Variants in ZNF705G observed in about 807,000 individuals in gnomAD.
The protein encoded by ZNF705G is putative zinc finger protein 705G.
ZNF705G carries 23 observed loss-of-function variants against 19.6 expected under a neutral mutation model. That is an observed-to-expected ratio of 1.17 (90% CI 0.84 to 1.66). The LOEUF is 1.66. ZNF705G is among the 40% of genes most tolerant of loss of function. The pLI is 0.00. For missense variants in ZNF705G, 457 were observed against 354.4 expected, an observed-to-expected ratio of 1.29 and a Z score of -2.32; for synonymous variants, 146 against 117.7, an observed-to-expected ratio of 1.24 and a Z score of -1.56.
At chr8:7,360,817 A>G (rs1407070497) in intron 4 of ZNF705G, among the ~76,000 whole-genome samples, 2 of 149,560 alleles carry the variant, frequency 1.3e-5, no homozygotes, top group African/African-American at 2.6e-5. Context: ...TAATACACTG[A>G]AAACATTCAT....
intron 1 of ZNF705G, among the ~76,000 whole-genome samples, chr8:7,384,080 G>C (rs2128849957): frequency 8.3e-6 from 1 of 120,416 alleles, no homozygotes; most frequent in South Asian, 3.0e-4. Context: ...GCCAAGCTCT[G>C]ATGTAAGCTG....
In ZNF705G at chr8:7,357,925, C is replaced by T; in HGVS notation, c.*51G>A. On this transcript the variant is annotated 3_prime_UTR_variant, in exon 7 of 7. Transcript: ENST00000400156. The stretch of plus-strand genomic sequence containing the variant: ...GATTAGTACATTGTCTGAAGGCTTT[C>T]CCACATAAATGGCATTCATATGGCT... 4 of 1,603,746 alleles carry T rather than the reference C, an allele frequency of 2.5e-6. No homozygotes were observed. The highest frequency in any genetic ancestry group is 3.4e-6 in the Non-Finnish European group (4 of 1,178,040).
At position 7,371,144 on chromosome 8, in the gene ZNF705G, G is replaced by A. The variant is rs1363163070; in HGVS notation, c.-71-8127C>T. Among the ~76,000 whole-genome samples, 5 of 141,630 alleles carry A rather than the reference G, an allele frequency of 3.5e-5. No individual in the cohort carries two copies. In the East Asian group the frequency reaches 6.4e-4, roughly 18 times the overall value. 92.9% of individuals were successfully genotyped at this position (141,630 alleles called of 152,430 possible). On this transcript the variant is annotated intron_variant, in intron 2 of 6. Transcript: ENST00000400156. Reference sequence around the variant, plus strand: ...ATATTGTTCAGTGTTACATAATAACGAAACCCTGTCATTTGTGACAACATG... The same window carrying A: ...ATATTGTTCAGTGTTACATAATAACAAAACCCTGTCATTTGTGACAACATG...
rs1449066496 is a variant in ZNF705G, at chr8:7,380,934, T to A, written c.-72+518A>T. Among the ~76,000 whole-genome samples the A allele has an allele frequency of 2.2e-5, 3 of 134,490 alleles. 1 individual carries two copies. The highest frequency in any genetic ancestry group is 1.1e-4 in the African/African-American group (3 of 27,638). The allele number at this position is 134,490 out of a possible 152,430, so 88.2% of individuals were successfully genotyped here. On this transcript the variant is annotated intron_variant, in intron 2 of 6. Coordinates refer to ENST00000400156, the MANE Select transcript of ZNF705G (RefSeq NM_001164457.3). ...CTGGAGGCTGAGGCAGGAGAATTGC[T>A]TGAGCCCAGGAGGCAGAGTTGCAGT... is the stretch of plus-strand genomic sequence containing the variant.
At chr8:7,364,342 C>T (rs1268339576) in intron 2 of ZNF705G, among the ~76,000 whole-genome samples, 1 of 149,456 alleles carries the variant, frequency 6.7e-6, no homozygotes, top group African/African-American at 2.6e-5. Flanking sequence ...AATTTACTGA[C>T]CCATTTGTAC....
At chr8:7,370,522 G>T (rs1202189175) in intron 2 of ZNF705G, among the ~76,000 whole-genome samples, 1 of 148,442 alleles carries the variant, frequency 6.7e-6, no homozygotes, top group African/African-American at 2.6e-5. Flanking sequence ...GTCCATTTCA[G>T]ATAACAGTAT....
intron 3 of ZNF705G, among the ~76,000 whole-genome samples, chr8:7,362,472 G>C (rs1358212353): frequency 6.0e-5 from 9 of 149,688 alleles, no homozygotes. Context: ...TCATTGTTGG[G>C]CTGTGATGTT....
rs1439944376 is a variant in ZNF705G at position 7,359,352 on chromosome 8, T to C, written c.318+267A>G. ...TTCTGTAACATCTCAACTGCAGCGT[T>C]ATTGCATAATTGTGTTGATATCAAT... On this transcript the variant is annotated intron_variant, in intron 6 of 6. Coordinates refer to ENST00000400156, the MANE Select transcript of ZNF705G (RefSeq NM_001164457.3). 2.9e-4 allele frequency among the ~76,000 whole-genome samples: 44 copies of C among 149,938 alleles called. 1 individual carries two copies. The highest frequency in any genetic ancestry group is 5.4e-4 in the Non-Finnish European group (37 of 68,006).
intron 2 of ZNF705G, among the ~76,000 whole-genome samples, chr8:7,367,770 C>G (rs1285953336): frequency 6.7e-6 from 1 of 149,734 alleles, no homozygotes; most frequent in Non-Finnish European, 1.5e-5. Flanking sequence ...ACCGCTCAGT[C>G]TCTTTTTCCA....
Position 7,382,724 on chromosome 8 carries a change from G to A in ZNF705G, c.-221-1123C>T, listed in dbSNP as rs555228094. Among the ~76,000 whole-genome samples the A allele has an allele frequency of 3.9e-4, 57 of 146,680 alleles. 10 individuals are homozygous for A. The highest frequency in any genetic ancestry group is 1.3e-3 in the African/African-American group (46 of 36,174). The stretch of plus-strand genomic sequence containing the variant: ...AAATTAACCAACATTTAATACCACT[G>A]ACATTACCTTATTTCAAGATCTGAA... On this transcript the variant is annotated intron_variant, in intron 1 of 6. Transcript: ENST00000400156.
Position 7,356,564 on chromosome 8 carries a change from C to G in ZNF705G, c.*1412G>C, listed in dbSNP as rs1270544620. 6.7e-6 allele frequency: 1 copy of G among 149,552 alleles called. No individual in the cohort carries two copies. The highest frequency in any genetic ancestry group is 2.6e-5 in the African/African-American group (1 of 38,968). 9.3% of individuals were successfully genotyped at this position (149,552 alleles called of 1,614,324 possible). A position where few individuals can be genotyped will look rare whatever the true frequency, so the allele number is the denominator to read the frequency against. Reference sequence around the variant, plus strand: ...TGCAATGACACACTGAGAAATCTAGCAAGTGGGGCTGAAGATCCCTGGTGT... The same window carrying G: ...TGCAATGACACACTGAGAAATCTAGGAAGTGGGGCTGAAGATCCCTGGTGT... On this transcript the variant is annotated 3_prime_UTR_variant, in exon 7 of 7. Coordinates refer to ENST00000400156, the MANE Select transcript of ZNF705G (RefSeq NM_001164457.3).
intron 1 of ZNF705G, among the ~76,000 whole-genome samples, chr8:7,383,074 A>G (rs1807571126): frequency 3.4e-5 from 5 of 148,830 alleles, no homozygotes; most frequent in Admixed American, 3.3e-4. Flanking sequence ...AAAGGAGAAG[A>G]AATTCTGTAA....
chr8:7,381,778 T>C (rs1807508709), intron 1 of ZNF705G, among the ~76,000 whole-genome samples, 177 bp from the exon 2 acceptor site: 1 of 149,204 alleles, frequency 6.7e-6, no homozygotes, highest in Non-Finnish European at 1.5e-5. Context: ...AAAAACTACC[T>C]ATCTGGTACT....
chr8:7,369,359 G>A (rs1415181527), intron 2 of ZNF705G, among the ~76,000 whole-genome samples: 1 of 149,486 alleles, frequency 6.7e-6, no homozygotes, highest in African/African-American at 2.6e-5. Context: ...CTACAGCAGT[G>A]CAGAGGGAAA....
intron 2 of ZNF705G, among the ~76,000 whole-genome samples, chr8:7,364,798 C>T: frequency 6.7e-6 from 1 of 149,450 alleles, no homozygotes; most frequent in Non-Finnish European, 1.5e-5. Context: ...CATATGACTC[C>T]ATCTGCCTGT....
intron 4 of ZNF705G, 103 bp from the exon 5 acceptor site, chr8:7,360,435 G>C: frequency 6.5e-7 from 1 of 1,546,982 alleles, no homozygotes; most frequent in Admixed American, 1.7e-5. Context: ...AACAGTGAAG[G>C]TCAGCTCAGG....
In ZNF705G at chr8:7,366,175, G is replaced by A. The variant is rs1399052281; in HGVS notation, c.-71-3158C>T. On this transcript the variant is annotated intron_variant, in intron 2 of 6. Transcript: ENST00000400156. ...AAATGGAAAATCCTATTATCTTGAC[G>A]GGATTGCAAGTCAGATTACACTATA... Among the ~76,000 whole-genome samples, 2 of 142,470 alleles carry A rather than the reference G, an allele frequency of 1.4e-5. 1 individual carries two copies. Among genetic ancestry groups the A allele is most frequent in the African/African-American group, 5.5e-5 (2 of 36,532 alleles). 93.5% of individuals were successfully genotyped at this position (142,470 alleles called of 152,430 possible).
rs191922841 is a variant in ZNF705G, at chr8:7,366,649, A to T, written c.-71-3632T>A. ...CTAAAACAATATCCATGGACAAATT[A>T]TTTGCTGTACGTTATTTTTAAAAAA... On this transcript the variant is annotated intron_variant, in intron 2 of 6. Coordinates refer to ENST00000400156, the MANE Select transcript of ZNF705G (RefSeq NM_001164457.3). Among the ~76,000 whole-genome samples the T allele has an allele frequency of 3.6e-4, 54 of 149,790 alleles. 4 individuals carry two copies. The highest frequency in any genetic ancestry group is 1.4e-3 in the African/African-American group (53 of 39,182).
chr8:7,358,870 A>G (rs1806428506), intron 6 of ZNF705G, among the ~76,000 whole-genome samples: 1 of 149,446 alleles, frequency 6.7e-6, no homozygotes, highest in Non-Finnish European at 1.5e-5. Flanking sequence ...ATGAGCTGTT[A>G]AAATTGCACC....
Sources: gnomAD v4.1 joint callset for allele counts (sites outside exome capture counted in the v4.1 genomes callset) on GRCh38, gnomAD v4.1.1 for gene constraint, MANE v1.5 for transcripts, NCBI Gene and HGNC (gene_info 2026-07-23, HGNC 2026-07-21) for gene names.